The following ZNF618 variants were observed in gnomAD, a reference collection of about 807,000 sequenced individuals.
ZNF618 encodes the protein zinc finger protein 618, also known as neural precursor cell expressed, developmentally down-regulated 10.
In ZNF618, 34 loss-of-function variants were observed where a neutral mutation model predicts 103.0. That is an observed-to-expected ratio of 0.33 (90% CI 0.25 to 0.44). The LOEUF (loss-of-function observed/expected upper bound fraction) is 0.44, where lower values mean the gene tolerates loss of function less well. Among genes scored for constraint, ZNF618 ranks in the 20% least tolerant of loss-of-function variants. The pLI is 1.00. For synonymous variants in ZNF618, 551 were observed against 542.2 expected (o/e 1.02, Z -0.23); for missense variants, 1,059 against 1,295.4 (o/e 0.82, Z 2.80).
At chr9:114,013,259 T>G (rs1194359174) in intron 9 of ZNF618, among the ~76,000 whole-genome samples, 2 of 152,176 alleles carry the variant, frequency 1.3e-5, no homozygotes, top group Non-Finnish European at 2.9e-5. Context: ...TCTGATGAAC[T>G]AAGTTGTAGA....
chr9:114,031,356 ATGT>A (rs1844013790), intron 11 of ZNF618, among the ~76,000 whole-genome samples: 1 of 152,126 alleles, frequency 6.6e-6, no homozygotes, highest in Non-Finnish European at 1.5e-5. Context: ...TGTCCTTGTA[ATGT>A]TAGCTGCAGC....
chr9:113,984,813 C>T (rs574209507), intron 2 of ZNF618, among the ~76,000 whole-genome samples: 4 of 152,314 alleles, frequency 2.6e-5, no homozygotes, highest in Admixed American at 1.3e-4. Context: ...CTTTACCCCC[C>T]GGCTTGAATG....
intron 6 of ZNF618, 23 bp downstream of exon 6, chr9:114,002,685 G>T: frequency 6.2e-7 from 1 of 1,609,838 alleles, no homozygotes; most frequent in Non-Finnish European, 8.5e-7. Flanking sequence ...TCCTCCTCGT[G>T]GGCTGCTGAG....
rs1408638590 is a variant in ZNF618 at position 114,049,368 on chromosome 9, C to G, written c.2066C>G (p.Ser689Cys). Reference sequence around the variant, plus strand: ...ACCTTCGGGTCGCTGGAGGAGACGTCTCCACCACCCTGCTGGAACTCGGTG... The same window carrying G: ...ACCTTCGGGTCGCTGGAGGAGACGTGTCCACCACCCTGCTGGAACTCGGTG... ...KETFGSLEETSPPPCWNSVTD... is the reference protein window; with the variant it reads ...KETFGSLEETCPPPCWNSVTD... Residue 689 changes from serine (S) to cysteine (C), a missense_variant, in exon 15 of 15, where the codon TCT (serine) becomes TGT (cysteine). By Grantham distance (112) the Ser-to-Cys change is moderately radical. Around this residue, in one of 6 missense-constraint regions of ZNF618, gnomAD observed 272 missense variants for 380.1 expected, o/e 0.72. Coordinates refer to ENST00000374126, the MANE Select transcript of ZNF618 (RefSeq NM_001318042.2). 6.2e-7 allele frequency: 1 copy of G among 1,607,036 alleles called. No individual in the cohort carries two copies. The highest frequency in any genetic ancestry group is 8.5e-7 in the Non-Finnish European group (1 of 1,177,284).
intron 12 of ZNF618, among the ~76,000 whole-genome samples, chr9:114,032,953 C>T (rs1028489782): frequency 2.0e-5 from 3 of 152,114 alleles, no homozygotes; most frequent in African/African-American, 7.2e-5. Context: ...GACAATGCCT[C>T]CTCTCTGTCT....
intron 9 of ZNF618, among the ~76,000 whole-genome samples, chr9:114,013,439 T>A (rs549343202): frequency 6.6e-6 from 1 of 152,298 alleles, no homozygotes; most frequent in East Asian, 1.9e-4. Flanking sequence ...TTTTTTATTT[T>A]TTATTTTTTG....
At chr9:113,948,463 G>A (rs753146647) in intron 1 of ZNF618, among the ~76,000 whole-genome samples, 8 of 152,234 alleles carry the variant, frequency 5.3e-5, no homozygotes, top group Non-Finnish European at 8.8e-5. Context: ...AAGGCTTTGG[G>A]CCTCACAGCT....
intron 1 of ZNF618, among the ~76,000 whole-genome samples, chr9:113,945,417 C>T (rs548760841): frequency 6.6e-6 from 1 of 152,288 alleles, no homozygotes; most frequent in African/African-American, 2.4e-5. Context: ...TTGGTGAGAT[C>T]TTGGCTTGAC....
chr9:114,049,420 G>A lies in ZNF618; in HGVS notation c.2118G>A (p.Glu706=). ...CGGACTCACTGTTGCTGGTGCATGAGCGCTATGAGCAGATCTGCGAGTTCT... is the reference window on the plus strand; with the variant it reads ...CGGACTCACTGTTGCTGGTGCATGAACGCTATGAGCAGATCTGCGAGTTCT... The part of the protein sequence containing the change: ...SVTDSLLLVH[E]RYEQICEFYS... The change falls in exon 15 of 15, where the codon GAG becomes GAA. Residue 706 remains glutamate (E), a synonymous_variant. Transcript: ENST00000374126. 6.2e-7 allele frequency: 1 copy of A among 1,603,734 alleles called. No homozygotes were observed. Among genetic ancestry groups the A allele is most frequent in the Non-Finnish European group, 8.5e-7 (1 of 1,175,374 alleles).
chr9:113,941,263 G>A (rs1001752665), intron 1 of ZNF618, among the ~76,000 whole-genome samples: 2 of 151,974 alleles, frequency 1.3e-5, no homozygotes, highest in Non-Finnish European at 2.9e-5. Context: ...TCCTTCCATA[G>A]TTTGTTTTTA....
intron 2 of ZNF618, among the ~76,000 whole-genome samples, chr9:113,983,498 A>G (rs1839159274): frequency 6.6e-6 from 1 of 152,166 alleles, no homozygotes. Context: ...CCCGTGGGTG[A>G]TAGAGGGTGG....
chr9:114,007,551 G>A (rs1841861043), intron 7 of ZNF618, 112 bp downstream of exon 7: 1 of 974,466 alleles, frequency 1.0e-6, no homozygotes, highest in African/African-American at 1.6e-5. Context: ...AAAAAGGCCA[G>A]GCAGTAGCTG....
At chr9:113,978,794 C>A (rs573713441) in intron 2 of ZNF618, among the ~76,000 whole-genome samples, 122 of 152,282 alleles carry the variant, frequency 8.0e-4, no homozygotes, top group Middle Eastern at 6.8e-3. Context: ...TTTCTCCAGT[C>A]CTTGGTTTTC....
intron 11 of ZNF618, 27 bp downstream of exon 11, chr9:114,028,999 A>G (rs939309853): frequency 8.9e-5 from 137 of 1,539,682 alleles, no homozygotes; most frequent in Non-Finnish European, 1.2e-4. Context: ...TGACCCCCAC[A>G]CTTTCTCCCC....
intron 1 of ZNF618, among the ~76,000 whole-genome samples, chr9:113,930,363 G>T (rs555894583): frequency 2.1e-4 from 32 of 152,316 alleles, no homozygotes; most frequent in Non-Finnish European, 3.8e-4. Flanking sequence ...CATAGTCCCA[G>T]TTCTACTACT....
At chr9:113,887,790 T>A (rs563808393) in intron 1 of ZNF618, among the ~76,000 whole-genome samples, 5 of 152,364 alleles carry the variant, frequency 3.3e-5, no homozygotes, top group African/African-American at 1.2e-4. Flanking sequence ...GCTCTTCATG[T>A]TTTGAAAGGA....
chr9:114,021,343 G>A (rs1240312412), intron 10 of ZNF618, among the ~76,000 whole-genome samples: 1 of 151,970 alleles, frequency 6.6e-6, no homozygotes, highest in African/African-American at 2.4e-5. Flanking sequence ...ATTACTTAAC[G>A]ATCCAAGGTT....
Position 114,049,022 on chromosome 9 carries a change from A to T in ZNF618, c.1720A>T (p.Asn574Tyr), listed in dbSNP as rs749715182. The T allele has an allele frequency of 6.2e-7, 1 of 1,613,400 alleles. No individual in the cohort carries two copies. The change falls in exon 15 of 15, where the codon AAC (asparagine) becomes TAC (tyrosine). Residue 574 changes from asparagine (N) to tyrosine (Y), a missense_variant. Asn to Tyr is a moderately radical substitution (Grantham distance 143). This residue lies in a region of ZNF618 where 272 missense variants were observed against 380.1 expected (regional missense o/e 0.72). Coordinates refer to ENST00000374126, the MANE Select transcript of ZNF618 (RefSeq NM_001318042.2). ...YILTAYQAEG[N>Y]HIKSYVLGVK... ...CCTCACAGCCTACCAGGCCGAGGGC[A>T]ACCACATCAAGAGCTATGTGCTTGG... is the stretch of plus-strand genomic sequence containing the variant.
chr9:113,898,375 A>G (rs1830220099), intron 1 of ZNF618, among the ~76,000 whole-genome samples: 1 of 149,780 alleles, frequency 6.7e-6, no homozygotes, highest in Admixed American at 6.6e-5. Flanking sequence ...CGTGTTTGGC[A>G]TGTTTGGCTT....
Sources: gnomAD v4.1 joint callset for allele counts (sites outside exome capture counted in the v4.1 genomes callset) on GRCh38, gnomAD v4.1.1 for gene constraint, gnomAD v4.1.1 regional missense constraint, MANE v1.5 for transcripts, NCBI Gene and HGNC (gene_info 2026-07-23, HGNC 2026-07-21) for gene names.